The following ANO6 variants were observed in gnomAD, a reference collection of about 807,000 sequenced individuals.
ANO6 encodes anoctamin 6, also known as anoctamin-6.
ANO6 carries 106 observed loss-of-function variants against 117.5 expected under a neutral mutation model. That is an observed-to-expected ratio of 0.90 (90% CI 0.77 to 1.06). The LOEUF (loss-of-function observed/expected upper bound fraction) is 1.06. Ranked by LOEUF, ANO6 falls within the 50% of genes least tolerant of loss-of-function variation. The pLI, the probability that ANO6 is intolerant of heterozygous loss-of-function variation, is 0.00. For synonymous variants in ANO6, 367 were observed against 385.1 expected (o/e 0.95, Z 0.55); for missense variants, 955 against 1,121.1 (o/e 0.85, Z 2.12).
At chr12:45,417,007 C>T in intron 17 of ANO6, 103 bp downstream of exon 17, 1 of 1,122,082 alleles carries the variant, frequency 8.9e-7, no homozygotes, top group Non-Finnish European at 1.3e-6. Flanking sequence ...GAGGAAGATG[C>T]TAAGTCTGTC....
rs140561855 is a variant in ANO6 at position 45,395,076 on chromosome 12, A to G, written c.1386+4578A>G. On this transcript the variant is annotated intron_variant, in intron 12 of 19. Coordinates refer to ENST00000320560, the MANE Select transcript of ANO6 (RefSeq NM_001025356.3). ...AGCTGGTTTTTTGAAAAGATCAACA[A>G]AACTGGTAGACGGCTAGCAAGACTA... Among the ~76,000 whole-genome samples, 951 of 152,302 alleles carry G rather than the reference A, an allele frequency of 6.2e-3. 15 individuals are homozygous for G. The highest frequency in any genetic ancestry group is 0.022 in the African/African-American group (904 of 41,566).
At chr12:45,324,225 G>A (rs149303826) in intron 2 of ANO6, among the ~76,000 whole-genome samples, 1,633 of 152,130 alleles carry the variant, frequency 0.011, 29 homozygotes, top group African/African-American at 0.035. Flanking sequence ...GAGTCACCAC[G>A]CTTGGCCTGC....
chr12:45,420,835 G>A (rs1319696577), intron 17 of ANO6, among the ~76,000 whole-genome samples: 1 of 151,770 alleles, frequency 6.6e-6, no homozygotes, highest in Admixed American at 6.6e-5. Context: ...GACCAGCCTG[G>A]CCAACATGAC....
chr12:45,371,705 A>T (rs1326356129), intron 9 of ANO6, among the ~76,000 whole-genome samples: 1 of 152,176 alleles, frequency 6.6e-6, no homozygotes, highest in Admixed American at 6.5e-5. Flanking sequence ...CCAAAAACCC[A>T]TCTGTACATC....
intron 9 of ANO6, among the ~76,000 whole-genome samples, chr12:45,377,030 A>C (rs1221702735): frequency 6.6e-6 from 1 of 152,162 alleles, no homozygotes; most frequent in African/African-American, 2.4e-5. Flanking sequence ...ATATTTTTAC[A>C]TAGATGAAGG....
chr12:45,375,401 T>A (rs1026522454), intron 9 of ANO6, among the ~76,000 whole-genome samples: 9 of 152,120 alleles, frequency 5.9e-5, no homozygotes, highest in African/African-American at 9.7e-5. Flanking sequence ...AGCCAAGTCA[T>A]TCCTAAGCCA....
chr12:45,438,277 A>G (rs894466974), intron 19 of ANO6, among the ~76,000 whole-genome samples: 21 of 138,532 alleles, frequency 1.5e-4, no homozygotes, highest in Admixed American at 3.0e-4. Flanking sequence ...GTGTGTGTGT[A>G]TGTATGTGTG....
rs747644058 is a variant in ANO6, at chr12:45,348,128, A to G, written c.446A>G (p.Asn149Ser). The G allele has an allele frequency of 4.0e-5, 64 of 1,614,010 alleles. No homozygotes were observed. Among genetic ancestry groups the G allele is most frequent in the Non-Finnish European group, 3.4e-5 (40 of 1,180,000 alleles). The change falls in exon 5 of 20, where the codon AAT becomes AGT. Residue 149 changes from asparagine to serine, a missense_variant. Physicochemically the swap from Asn to Ser is conservative, Grantham distance 46 (BLOSUM62 1). Coordinates refer to ENST00000320560, the MANE Select transcript of ANO6 (RefSeq NM_001025356.3). The part of the protein sequence containing the change: ...IMHIKLPLKP[N>S]DLKNRSSAFG... ...CACATCAAATTGCCTCTGAAACCCA[A>G]TGATCTGAAAAACCGGTCCTCAGCC...
At chr12:45,413,509 T>A (rs1412047172) in intron 16 of ANO6, among the ~76,000 whole-genome samples, 9 of 152,190 alleles carry the variant, frequency 5.9e-5, no homozygotes, top group Admixed American at 2.6e-4. Context: ...AGAGGAGCCA[T>A]GGGTGAGGCC....
intron 1 of ANO6, among the ~76,000 whole-genome samples, chr12:45,265,272 T>C (rs1414798145): frequency 6.6e-6 from 1 of 152,158 alleles, no homozygotes; most frequent in African/African-American, 2.4e-5. Context: ...ATCTACTGTA[T>C]TGAAATACGA....
rs572554208 is a variant in ANO6, at chr12:45,292,858, G to A, written c.71-9156G>A. The A allele has an allele frequency of 6.8e-5, 105 of 1,548,250 alleles. 1 individual carries two copies. The South Asian group carries it at 1.2e-3, about 17-fold the overall frequency. The stretch of plus-strand genomic sequence containing the variant: ...GAGTTGTCACTTAAGGTAGAGGTAG[G>A]AGGGTAAGAAGCGTCAAGGACTCAC... On this transcript the variant is annotated intron_variant, in intron 1 of 19. Transcript: ENST00000320560.
intron 1 of ANO6, among the ~76,000 whole-genome samples, chr12:45,285,826 T>C (rs958300124): frequency 6.6e-6 from 1 of 152,058 alleles, no homozygotes; most frequent in African/African-American, 2.4e-5. Context: ...ATTGTGAGTG[T>C]TGTAGGCTGA....
intron 2 of ANO6, among the ~76,000 whole-genome samples, chr12:45,302,576 A>G (rs1939530710): frequency 1.3e-5 from 2 of 152,170 alleles, no homozygotes; most frequent in South Asian, 4.1e-4. Flanking sequence ...GGTTGTTTCT[A>G]CCAGAAGGGA....
intron 1 of ANO6, among the ~76,000 whole-genome samples, chr12:45,269,323 C>T (rs1938318761): frequency 1.3e-5 from 2 of 152,100 alleles, no homozygotes; most frequent in South Asian, 4.2e-4. Flanking sequence ...GCTTTATTTA[C>T]CCAGATGTGA....
chr12:45,272,055 T>G (rs1938408622), intron 1 of ANO6, among the ~76,000 whole-genome samples: 1 of 152,290 alleles, frequency 6.6e-6, no homozygotes, highest in South Asian at 2.1e-4. Context: ...TCTTGAAACT[T>G]TCAAGATAAA....
At chr12:45,262,110 A>G (rs1938057914) in intron 1 of ANO6, among the ~76,000 whole-genome samples, 2 of 152,284 alleles carry the variant, frequency 1.3e-5, no homozygotes, top group South Asian at 4.1e-4. Flanking sequence ...AAATTTTGGG[A>G]AATACAGAAA....
At chr12:45,436,701 C>G (rs1943710630), downstream of ANO6, among the ~76,000 whole-genome samples, 1 of 152,202 alleles carries the variant, frequency 6.6e-6, no homozygotes, top group Admixed American at 6.5e-5. Context: ...GGCATGGTGG[C>G]TCACGTCTGT....
intron 8 of ANO6, among the ~76,000 whole-genome samples, chr12:45,358,454 G>A (rs2137478283): frequency 6.6e-6 from 1 of 151,558 alleles, no homozygotes; most frequent in South Asian, 2.1e-4. Context: ...CTTCTCTGTT[G>A]GTTTGTACAT....
At position 45,302,015 on chromosome 12, in the gene ANO6, G is replaced by A. The variant is rs769821188; in HGVS notation, c.72G>A (p.Val24=). The change falls in exon 2 of 20, where the codon GTG becomes GTA. Residue 24 remains valine, a splice_region_variant and synonymous_variant. Coordinates refer to ENST00000320560, the MANE Select transcript of ANO6 (RefSeq NM_001025356.3). ...GTTTATATATTCATTCGTTTTTAGTGTTGGAAAACCTTGGACAGACAATTG... is the reference window on the plus strand; with the variant it reads ...GTTTATATATTCATTCGTTTTTAGTATTGGAAAACCTTGGACAGACAATTG... ...EEEDDDDGDI[V]LENLGQTIVP... is the part of the protein sequence containing the mutation. 3 of 1,613,838 alleles carry A rather than the reference G, an allele frequency of 1.9e-6. No individual in the cohort carries two copies. The highest frequency in any genetic ancestry group is 2.2e-5 in the South Asian group (2 of 91,084).
Sources: allele counts gnomAD v4.1 joint callset (sites outside exome capture counted in the v4.1 genomes callset), GRCh38; gene constraint gnomAD v4.1.1; transcripts MANE v1.5; gene names NCBI Gene and HGNC (gene_info 2026-07-23, HGNC 2026-07-21).